Variants in CUTC observed in about 807,000 individuals in gnomAD.
The protein encoded by CUTC is cutC copper transporter.
A neutral mutation model predicts 36.2 loss-of-function variants in CUTC; 27 were observed. That is an observed-to-expected ratio of 0.75 (90% CI 0.55 to 1.03). The LOEUF is 1.03. Ranked by LOEUF, CUTC falls within the 50% of genes least tolerant of loss-of-function variation. The pLI, the probability that CUTC is intolerant of heterozygous loss-of-function variation, is 0.00. For missense variants in CUTC, 315 were observed against 343.5 expected, an observed-to-expected ratio of 0.92 and a Z score of 0.66; for synonymous variants, 114 against 118.3, an observed-to-expected ratio of 0.96 and a Z score of 0.24.
intron 3 of CUTC, among the ~76,000 whole-genome samples, chr10:99,742,141 C>G (rs1265538731): frequency 6.6e-6 from 1 of 152,164 alleles, no homozygotes; most frequent in African/African-American, 2.4e-5. Flanking sequence ...TTTCAAGGAT[C>G]ATTGCCCTTC....
At chr10:99,741,803 C>G (rs1434818904) in intron 3 of CUTC, among the ~76,000 whole-genome samples, 1 of 152,200 alleles carries the variant, frequency 6.6e-6, no homozygotes, top group Non-Finnish European at 1.5e-5. Context: ...AACTCCTTGC[C>G]TCAGGCAATC....
rs963767157 is a variant in CUTC at position 99,739,629 on chromosome 10, GA to G, written c.134-75del. 2.0e-5 allele frequency: 26 copies of G among 1,299,494 alleles called. No homozygotes were observed. In the African/African-American group the frequency reaches 3.3e-4, roughly 16 times the overall value. The allele number at this position is 1,299,494 out of a possible 1,614,324, so 80.5% of individuals were successfully genotyped here. On this transcript the variant is annotated intron_variant, in intron 2 of 8. Transcript: ENST00000370476. ...GATTTCTAAGACTGTTCTATATTTG[GA>G]AAAAATATATATAAACAGGTTGCTG...
At chr10:99,755,239 G>C (rs951526984) in intron 8 of CUTC, among the ~76,000 whole-genome samples, 1 of 152,106 alleles carries the variant, frequency 6.6e-6, no homozygotes, top group Non-Finnish European at 1.5e-5. Flanking sequence ...TGTAATCCCA[G>C]CGCTTTGGGA....
At chr10:99,755,562 AG>A in intron 8 of CUTC, 62 bp from the exon 9 acceptor site, 2 of 991,144 alleles carry the variant, frequency 2.0e-6, no homozygotes, top group South Asian at 2.7e-5. Context: ...TATAAAATGA[AG>A]CGGCAGTAGG....
intron 1 of CUTC, among the ~76,000 whole-genome samples, chr10:99,734,503 A>G (rs1428638326): frequency 6.6e-6 from 1 of 152,248 alleles, no homozygotes; most frequent in Admixed American, 6.5e-5. Flanking sequence ...AAAATAAAGC[A>G]ATAAAGAAAA....
chr10:99,735,101 C>A (rs1461544283), intron 1 of CUTC, among the ~76,000 whole-genome samples: 65 of 68,790 alleles, frequency 9.4e-4, no homozygotes, highest in African/African-American at 2.1e-3. Flanking sequence ...GACTCTGTAT[C>A]AAAAAAAAAA....
intron 2 of CUTC, among the ~76,000 whole-genome samples, chr10:99,737,924 G>A (rs991685765): frequency 3.3e-5 from 5 of 152,052 alleles, no homozygotes; most frequent in South Asian, 2.1e-4. Flanking sequence ...CGAGGCGGGC[G>A]GATCACCTGA....
rs759481527 is a variant in CUTC, at chr10:99,747,327, G to A, written c.510G>A (p.Leu170=). Residue 170 remains leucine (L), a synonymous_variant, in exon 6 of 9, where the codon TTG becomes TTA. Transcript: ENST00000370476. Reference sequence around the variant, plus strand: ...TAACCTTGGGATTTGAACGCGTGTTGACCAGTGGATGTGACAGTTCAGCAT... The same window carrying A: ...TAACCTTGGGATTTGAACGCGTGTTAACCAGTGGATGTGACAGTTCAGCAT... ...TLLTLGFERV[L]TSGCDSSALE... The A allele has an allele frequency of 2.5e-6, 4 of 1,614,196 alleles. No individual in the cohort carries two copies. The South Asian group carries it at 4.4e-5, about 18-fold the overall frequency.
At chr10:99,751,019 TTTAA>T (rs1232351808) in intron 7 of CUTC, among the ~76,000 whole-genome samples, 1 of 152,224 alleles carries the variant, frequency 6.6e-6, no homozygotes, top group Non-Finnish European at 1.5e-5. Flanking sequence ...TCTTAATTTT[TTTAA>T]TTAAGTTTCT....
At chr10:99,741,011 G>A (rs1394013165) in intron 3 of CUTC, among the ~76,000 whole-genome samples, 1 of 152,122 alleles carries the variant, frequency 6.6e-6, no homozygotes, top group African/African-American at 2.4e-5. Context: ...GACCTTGTCT[G>A]CGAATTCTAA....
At chr10:99,740,267 G>T (rs909261808) in intron 3 of CUTC, among the ~76,000 whole-genome samples, 2 of 149,532 alleles carry the variant, frequency 1.3e-5, no homozygotes, top group Non-Finnish European at 3.0e-5. Flanking sequence ...TGTAGATCCC[G>T]TATTTCTGTC....
intron 7 of CUTC, among the ~76,000 whole-genome samples, chr10:99,750,999 G>T (rs1049260742): frequency 6.6e-6 from 1 of 152,162 alleles, no homozygotes; most frequent in Non-Finnish European, 1.5e-5. Context: ...TGAGACAAAT[G>T]TAAAGACAAT....
At chr10:99,755,396 A>AT (rs3047440) in intron 8 of CUTC, among the ~76,000 whole-genome samples, 1 of 150,946 alleles carries the variant, frequency 6.6e-6, no homozygotes. Flanking sequence ...AAAAAAAAAA[A>AT]GGAAGCAAGA....
chr10:99,732,819 G>T (rs2037230930), intron 1 of CUTC, among the ~76,000 whole-genome samples: 1 of 152,160 alleles, frequency 6.6e-6, no homozygotes, highest in African/African-American at 2.4e-5. Flanking sequence ...GCCACGGCGG[G>T]GACGGGGCTT....
chr10:99,754,627 A>G lies in CUTC; in HGVS notation c.700A>G (p.Lys234Glu), dbSNP rs2037441804. 1 of 1,604,068 alleles carries G rather than the reference A, an allele frequency of 6.2e-7. No individual in the cohort carries two copies. Among genetic ancestry groups the G allele is most frequent in the Non-Finnish European group, 8.5e-7 (1 of 1,172,470 alleles). Residue 234 changes from lysine to glutamate, a missense_variant, in exon 8 of 9, where the codon AAG becomes GAG. By Grantham distance (56) the Lys-to-Glu change is moderately conservative (BLOSUM62 1). Transcript: ENST00000370476. ...TCGGTCTACTAGAGACTCGGGAATG[A>G]AGTTTCGGTAAAAATGTATTCTTCG... ...SARSTRDSGM[K>E]FRNSSVAMGA...
chr10:99,746,525 AAG>A (rs2037378880), intron 5 of CUTC, among the ~76,000 whole-genome samples: 2 of 152,230 alleles, frequency 1.3e-5, no homozygotes, highest in Admixed American at 1.3e-4. Flanking sequence ...AGTTAAAAAA[AAG>A]TAAATTTATT....
chr10:99,736,565 CA>C (rs1241879501), intron 2 of CUTC, among the ~76,000 whole-genome samples: 2 of 152,092 alleles, frequency 1.3e-5, no homozygotes, highest in Non-Finnish European at 2.9e-5. Context: ...TTGAACTTAG[CA>C]AAATTTTAAT....
At chr10:99,754,831 A>G (rs1290814880) in intron 8 of CUTC, among the ~76,000 whole-genome samples, 197 bp downstream of exon 8, 2 of 152,218 alleles carry the variant, frequency 1.3e-5, no homozygotes, top group Admixed American at 1.3e-4. Context: ...GGCTCTTTGA[A>G]CATAGGTGAA....
Position 99,743,209 on chromosome 10 carries a change from C to G in CUTC, c.250C>G (p.Pro84Ala). 6.2e-7 allele frequency: 1 copy of G among 1,614,046 alleles called. No homozygotes were observed. Among genetic ancestry groups the G allele is most frequent in the Non-Finnish European group, 8.5e-7 (1 of 1,180,010 alleles). ...VQIPVFVMIR[P>A]RGGDFLYSDR... The stretch of plus-strand genomic sequence containing the variant: ...GATCCCAGTTTTTGTGATGATTCGG[C>G]CACGGGGAGGTGATTTTTTGTATTC... The change falls in exon 4 of 9, where the codon CCA becomes GCA. Residue 84 changes from proline to alanine, a missense_variant. Pro to Ala is a conservative substitution (Grantham distance 27). Coordinates refer to ENST00000370476, the MANE Select transcript of CUTC (RefSeq NM_015960.3).
Sources: gnomAD v4.1 joint callset for allele counts (sites outside exome capture counted in the v4.1 genomes callset) on GRCh38, gnomAD v4.1.1 for gene constraint, MANE v1.5 for transcripts, NCBI Gene and HGNC (gene_info 2026-07-23, HGNC 2026-07-21) for gene names.